Variants in AADACL4 observed in about 807,000 individuals in gnomAD.
AADACL4 encodes arylacetamide deacetylase like 4, also known as arylacetamide deacetylase-like 4.
A neutral mutation model predicts 14.1 loss-of-function variants in AADACL4; 9 were observed. The ratio of observed to expected loss-of-function variants is 0.64; its 90% confidence interval spans 0.39 to 1.12. The LOEUF is 1.12. Ranked by LOEUF, AADACL4 falls within the 50% of genes most tolerant of loss-of-function variation. AADACL4 has a pLI of 0.01. For missense variants in AADACL4, 531 were observed against 516.1 expected, an observed-to-expected ratio of 1.03 and a Z score of -0.28; for synonymous variants, 188 against 201.6, an observed-to-expected ratio of 0.93 and a Z score of 0.57.
At chr1:12,655,907 T>G (rs1647177180) in intron 2 of AADACL4, among the ~76,000 whole-genome samples, 1 of 152,146 alleles carries the variant, frequency 6.6e-6, no homozygotes, top group Non-Finnish European at 1.5e-5. Flanking sequence ...TATATGGTAT[T>G]TCAGTCCATT....
chr1:12,659,395 C>T (rs1647209418), intron 2 of AADACL4, among the ~76,000 whole-genome samples: 1 of 152,144 alleles, frequency 6.6e-6, no homozygotes, highest in Non-Finnish European at 1.5e-5. Flanking sequence ...GAGGATCTGG[C>T]CCTTTGGAAG....
chr1:12,647,716 C>G (rs1647120091), intron 1 of AADACL4, among the ~76,000 whole-genome samples: 1 of 150,856 alleles, frequency 6.6e-6, no homozygotes, highest in Non-Finnish European at 1.5e-5. Context: ...AGTGCAGTGG[C>G]ACAATCATGG....
intron 2 of AADACL4, among the ~76,000 whole-genome samples, chr1:12,655,954 T>C (rs1251183082): frequency 6.6e-6 from 1 of 152,194 alleles, no homozygotes; most frequent in Non-Finnish European, 1.5e-5. Flanking sequence ...AATCACAAGA[T>C]GGTATTAAAA....
intron 1 of AADACL4, 121 bp downstream of exon 1, chr1:12,644,835 A>AGC: frequency 8.9e-7 from 1 of 1,127,638 alleles, no homozygotes; most frequent in African/African-American, 1.6e-5. Flanking sequence ...CCCTCAAGAT[A>AGC]GACTTGTCTC....
intron 2 of AADACL4, among the ~76,000 whole-genome samples, chr1:12,659,817 T>C (rs1000736960): frequency 3.3e-5 from 5 of 149,400 alleles, no homozygotes; most frequent in Non-Finnish European, 4.5e-5. Flanking sequence ...TAATTATTTA[T>C]GTATTTGTTT....
rs548385907 is a variant in AADACL4 at position 12,660,964 on chromosome 1, C to T, written c.386-827C>T. ...TATTTTTAAACAGCTCATCAGATGA[C>T]TGCAATGTGCAGCCAGGGCTGAGAC... On this transcript the variant is annotated intron_variant, in intron 2 of 3. Coordinates refer to ENST00000376221, the MANE Select transcript of AADACL4 (RefSeq NM_001013630.2). Among the ~76,000 whole-genome samples, 6 of 152,278 alleles carry T rather than the reference C, an allele frequency of 3.9e-5. No individual in the cohort carries two copies. In the South Asian group the frequency reaches 1.0e-3, roughly 26 times the overall value.
intron 2 of AADACL4, among the ~76,000 whole-genome samples, chr1:12,652,340 C>T (rs1467950875): frequency 6.6e-6 from 1 of 152,206 alleles, no homozygotes; most frequent in Non-Finnish European, 1.5e-5. Flanking sequence ...GCTGTTTCCT[C>T]AGTCTCAAAA....
intron 2 of AADACL4, among the ~76,000 whole-genome samples, chr1:12,659,812 AT>A (rs58652044): frequency 6.8e-6 from 1 of 146,780 alleles, no homozygotes; most frequent in African/African-American, 2.5e-5. Context: ...CTAGGTAATT[AT>A]TTATGTATTT....
chr1:12,661,354 T>C (rs1012768915), intron 2 of AADACL4, among the ~76,000 whole-genome samples: 4 of 152,206 alleles, frequency 2.6e-5, no homozygotes, highest in African/African-American at 9.6e-5. Flanking sequence ...CGTACTCATA[T>C]TGACGGACCT....
chr1:12,661,391 T>C (rs1053539231), intron 2 of AADACL4, among the ~76,000 whole-genome samples: 5 of 152,198 alleles, frequency 3.3e-5, no homozygotes, highest in Non-Finnish European at 7.3e-5. Context: ...TATGCACCAC[T>C]CTACTCATAG....
chr1:12,652,723 AC>A (rs1261860218), intron 2 of AADACL4, among the ~76,000 whole-genome samples: 1 of 152,186 alleles, frequency 6.6e-6, no homozygotes, highest in Non-Finnish European at 1.5e-5. Flanking sequence ...CTGTGGTGCC[AC>A]CCATTTATAC....
chr1:12,656,968 C>G (rs1647181437), intron 2 of AADACL4, among the ~76,000 whole-genome samples: 1 of 151,888 alleles, frequency 6.6e-6, no homozygotes, highest in African/African-American at 2.4e-5. Flanking sequence ...TGGTGAAACA[C>G]CCCTTCTCTA....
At chr1:12,665,066 C>T (rs143457805) in intron 3 of AADACL4, among the ~76,000 whole-genome samples, 1 of 152,162 alleles carries the variant, frequency 6.6e-6, no homozygotes, top group Non-Finnish European at 1.5e-5. Flanking sequence ...CCCCTCTTGC[C>T]TCCCACACTG....
At chr1:12,644,848 C>T in intron 1 of AADACL4, 134 bp downstream of exon 1, 1 of 983,374 alleles carries the variant, frequency 1.0e-6, no homozygotes, top group East Asian at 2.4e-5. Flanking sequence ...CTTGTCTCTT[C>T]TGTATCTGCT....
chr1:12,646,779 A>T (rs887409630), intron 1 of AADACL4, among the ~76,000 whole-genome samples: 1 of 152,162 alleles, frequency 6.6e-6, no homozygotes, highest in African/African-American at 2.4e-5. Context: ...GAAAGGGTGG[A>T]TTCAGCTTGT....
chr1:12,666,814 T>C lies in AADACL4; in HGVS notation c.*79T>C. 1.4e-6 allele frequency: 2 copies of C among 1,397,620 alleles called. No homozygotes were observed. The highest frequency in any genetic ancestry group is 4.5e-5 in the Admixed American group (2 of 44,886). The allele number at this position is 1,397,620 out of a possible 1,614,324, so 86.6% of individuals were successfully genotyped here. A position where few individuals can be genotyped will look rare whatever the true frequency, so the allele number is the denominator to read the frequency against. The stretch of plus-strand genomic sequence containing the variant: ...CCGGGTGCTTTAGTGAGTTCTATTT[T>C]ATTGACTAAAGAGGTGCTACATCAA... On this transcript the variant is annotated 3_prime_UTR_variant, in exon 4 of 4. Coordinates refer to ENST00000376221, the MANE Select transcript of AADACL4 (RefSeq NM_001013630.2).
intron 2 of AADACL4, among the ~76,000 whole-genome samples, chr1:12,653,632 G>A (rs59876359): frequency 3.0e-4 from 46 of 152,228 alleles, no homozygotes; most frequent in African/African-American, 8.7e-4. Flanking sequence ...AGTAATGAGC[G>A]CAAATCCTGG....
chr1:12,664,605 G>T (rs1447013638), intron 3 of AADACL4, among the ~76,000 whole-genome samples: 1 of 152,076 alleles, frequency 6.6e-6, no homozygotes, highest in Non-Finnish European at 1.5e-5. Context: ...GAGGTTGAGT[G>T]ATCCTCAGCC....
chr1:12,662,442 G>A (rs1170087854), intron 3 of AADACL4, among the ~76,000 whole-genome samples: 1 of 152,152 alleles, frequency 6.6e-6, no homozygotes, highest in South Asian at 2.1e-4. Context: ...TTCTGCAGGT[G>A]CTTATTGCAT....
Sources: allele counts gnomAD v4.1 joint callset (sites outside exome capture counted in the v4.1 genomes callset), GRCh38; gene constraint gnomAD v4.1.1; transcripts MANE v1.5; gene names NCBI Gene and HGNC (gene_info 2026-07-23, HGNC 2026-07-21).